SLC2A7: variants seen among roughly 807,000 people sequenced by gnomAD.
SLC2A7 encodes the protein solute carrier family 2 member 7, also known as solute carrier family 2, facilitated glucose transporter member 7.
A neutral mutation model predicts 50.5 loss-of-function variants in SLC2A7; 50 were observed. That is an observed-to-expected ratio of 0.99 (90% confidence interval 0.79 to 1.25). The LOEUF is 1.25. Among genes scored for constraint, SLC2A7 ranks in the 50% most tolerant of loss-of-function variants. The pLI, the probability that SLC2A7 is intolerant of heterozygous loss-of-function variation, is 0.00. For synonymous variants in SLC2A7, 308 were observed against 300.4 expected, an observed-to-expected ratio of 1.03 and a Z score of -0.26; for missense variants, 683 against 679.1, an observed-to-expected ratio of 1.01 and a Z score of -0.06.
At chr1:9,000,124 T>A (rs1186400203), downstream of SLC2A7, among the ~76,000 whole-genome samples, 1 of 152,048 alleles carries the variant, frequency 6.6e-6, no homozygotes, top group African/African-American at 2.4e-5. Flanking sequence ...GATATTGAGG[T>A]GGGTTTAAAC....
In SLC2A7 at chr1:9,014,831, GGCCTCCATGTCCGTGTGGCCTCTCA is replaced by G; in HGVS notation, c.728_752del (p.Leu243ProfsTer73). On this transcript the variant is annotated frameshift_variant, in exon 7 of 12. Coordinates refer to ENST00000400906, the MANE Select transcript of SLC2A7 (RefSeq NM_207420.3). LOFTEE classifies it high-confidence loss of function. ...CCTCCGCACGCATGTCCTCCAGCTCGGCCTCCATGTCCGTGTGGCCTCTCAGCCTCCTCAGAGCTGCGGAAAGCAG... is the reference window on the plus strand; with the variant it reads ...CCTCCGCACGCATGTCCTCCAGCTCGGCCTCCTCAGAGCTGCGGAAAGCAG... 1 of 1,605,018 alleles carries G rather than the reference GGCCTCCATGTCCGTGTGGCCTCTCA, an allele frequency of 6.2e-7. No individual in the cohort carries two copies. The highest frequency in any genetic ancestry group is 8.5e-7 in the Non-Finnish European group (1 of 1,176,628).
At chr1:8,999,927 C>T (rs1640552470), downstream of SLC2A7, among the ~76,000 whole-genome samples, 1 of 152,158 alleles carries the variant, frequency 6.6e-6, no homozygotes, top group Non-Finnish European at 1.5e-5. Context: ...CTGTCAGATC[C>T]ATTTCTAATA....
intron 4 of SLC2A7, 48 bp downstream of exon 4, chr1:9,019,161 A>C: frequency 1.3e-6 from 2 of 1,594,494 alleles, no homozygotes; most frequent in Non-Finnish European, 1.7e-6. Flanking sequence ...AGCCTTGGCC[A>C]AACAGACCCT....
At chr1:8,996,216 T>A in the SLC2A7 span, among the ~76,000 whole-genome samples, 2 of 152,196 alleles carry the variant, frequency 1.3e-5, no homozygotes, top group Non-Finnish European at 2.9e-5. Flanking sequence ...TGATTTGTTT[T>A]CTGTTACTGA....
In SLC2A7 at chr1:9,013,540, C is replaced by A; in HGVS notation, c.999G>T (p.Val333=). ...VTVGSGVVNI[V]MTITSAVLVE... is the part of the protein sequence containing the mutation. ...GCTCACTCACCGAGGTGATGGTCAT[C>A]ACTATGTTGACGACGCCAGAGCCCA... is the stretch of plus-strand genomic sequence containing the variant. The change falls in exon 8 of 12, where the codon GTG becomes GTT. Residue 333 remains valine (V), a synonymous_variant. Coordinates refer to ENST00000400906, the MANE Select transcript of SLC2A7 (RefSeq NM_207420.3). 1.2e-6 allele frequency: 2 copies of A among 1,613,758 alleles called. No individual in the cohort carries two copies. The highest frequency in any genetic ancestry group is 1.7e-6 in the Non-Finnish European group (2 of 1,179,958).
chr1:9,018,297 G>A lies in SLC2A7; in HGVS notation c.515C>T (p.Thr172Ile). Residue 172 changes from threonine (T) to isoleucine (I), a missense_variant, in exon 5 of 12, where the codon ACC (threonine) becomes ATC (isoleucine). Physicochemically the swap from Thr to Ile is moderately conservative, Grantham distance 89. Transcript: ENST00000400906. ...KNLRGMVGTM[T>I]EVFVIVGVFL... ...GACTCCAACGATGACGAAAACCTCGGTCATTGTTCCCACCATGCCTCTCAG... is the reference window on the plus strand; with the variant it reads ...GACTCCAACGATGACGAAAACCTCGATCATTGTTCCCACCATGCCTCTCAG... The A allele has an allele frequency of 6.2e-7, 1 of 1,614,170 alleles. No homozygotes were observed. Among genetic ancestry groups the A allele is most frequent in the Non-Finnish European group, 8.5e-7 (1 of 1,180,038 alleles).
intron 2 of SLC2A7, 74 bp from the exon 3 acceptor site, chr1:9,023,152 C>T (rs2124267252): frequency 4.6e-6 from 7 of 1,505,496 alleles, no homozygotes; most frequent in Non-Finnish European, 6.4e-6. Flanking sequence ...TTCTCAGTGG[C>T]CACTTGTCAT....
chr1:9,010,180 G>A lies in SLC2A7; in HGVS notation c.1079C>T (p.Ser360Phe). The stretch of plus-strand genomic sequence containing the variant: ...CACCACCGTCAGCACCAGGCAGGCA[G>A]AGCCGCAGATGCCGTAGCCGGCCAG... Reference protein sequence around the residue: ...LLLAGYGICGSACLVLTVVLL... With the variant: ...LLLAGYGICGFACLVLTVVLL... The change falls in exon 9 of 12, where the codon TCT becomes TTT. Residue 360 changes from serine (S) to phenylalanine (F), a missense_variant. By Grantham distance (155) the Ser-to-Phe change is radical. Transcript: ENST00000400906. The A allele has an allele frequency of 4.5e-6, 7 of 1,552,508 alleles. No individual in the cohort carries two copies. The highest frequency in any genetic ancestry group is 6.1e-6 in the Non-Finnish European group (7 of 1,147,534).
chr1:9,007,722 A>C (rs1308764666), intron 9 of SLC2A7, among the ~76,000 whole-genome samples: 1 of 150,298 alleles, frequency 6.7e-6, no homozygotes, highest in Non-Finnish European at 1.5e-5. Context: ...CTGCCCTCTG[A>C]GTGACTCTAC....
At chr1:9,000,902 T>G (rs769559754), downstream of SLC2A7, among the ~76,000 whole-genome samples, 1 of 151,872 alleles carries the variant, frequency 6.6e-6, no homozygotes, top group Non-Finnish European at 1.5e-5. Context: ...GGAAGAAGCC[T>G]CTAGACAGCT....
intron 2 of SLC2A7, among the ~76,000 whole-genome samples, chr1:9,023,669 G>A (rs1403453379): frequency 6.6e-6 from 1 of 151,718 alleles, no homozygotes; most frequent in Non-Finnish European, 1.5e-5. Context: ...CACTTTGGGA[G>A]GCCGAGGCGG....
In SLC2A7 at chr1:9,015,315, G is replaced by A. The variant is rs1640815064; in HGVS notation, c.590-73C>T. 5 of 1,469,870 alleles carry A rather than the reference G, an allele frequency of 3.4e-6. No homozygotes were observed. The South Asian group carries it at 5.6e-5, about 16-fold the overall frequency. The allele number at this position is 1,469,870 out of a possible 1,614,324, so 91.1% of individuals were successfully genotyped here. On this transcript the variant is annotated intron_variant, in intron 5 of 11. Coordinates refer to ENST00000400906, the MANE Select transcript of SLC2A7 (RefSeq NM_207420.3). Reference sequence around the variant, plus strand: ...GCCCACCTACCACTGTGCTCGGAAGGTCACGCTCCTATGTGTGAACCAAGG... The same window carrying A: ...GCCCACCTACCACTGTGCTCGGAAGATCACGCTCCTATGTGTGAACCAAGG...
In SLC2A7 at chr1:9,017,514, C is replaced by T. The variant is rs563947275; in HGVS notation, c.589+709G>A. 1.8e-4 allele frequency among the ~76,000 whole-genome samples: 28 copies of T among 152,352 alleles called. No homozygotes were observed. The South Asian group carries it at 5.6e-3, about 30-fold the overall frequency. ...GCCTCGCGGGGTCTCCCCACTCAGTCCATTTACGTCGGATCAGACCCTTTT... is the reference window on the plus strand; with the variant it reads ...GCCTCGCGGGGTCTCCCCACTCAGTTCATTTACGTCGGATCAGACCCTTTT... On this transcript the variant is annotated intron_variant, in intron 5 of 11. Coordinates refer to ENST00000400906, the MANE Select transcript of SLC2A7 (RefSeq NM_207420.3).
At chr1:9,006,446 C>T (rs1415189456) in intron 10 of SLC2A7, among the ~76,000 whole-genome samples, 1 of 152,084 alleles carries the variant, frequency 6.6e-6, no homozygotes, top group African/African-American at 2.4e-5. Context: ...CGGAGTTTCA[C>T]CTTGTTGGCT....
At chr1:8,993,835 G>A in the SLC2A7 span, among the ~76,000 whole-genome samples, 1,264 of 152,068 alleles carry the variant, frequency 8.3e-3, 17 homozygotes, top group African/African-American at 0.03. Context: ...CACCATGTTG[G>A]CCAGGATGGT....
At position 9,013,625 on chromosome 1, in the gene SLC2A7, T is replaced by C; in HGVS notation, c.914A>G (p.Tyr305Cys). 6.2e-7 allele frequency: 1 copy of C among 1,613,406 alleles called. No individual in the cohort carries two copies. The highest frequency in any genetic ancestry group is 1.1e-5 in the South Asian group (1 of 90,986). The change falls in exon 8 of 12, where the codon TAT becomes TGT. Residue 305 changes from tyrosine to cysteine, a missense_variant. Transcript: ENST00000400906. The part of the protein sequence containing the change: ...QLSGINAINY[Y>C]ADTIYTSAGV... ...CGCAGATGTGTAGATGGTGTCCGCATAGTAGTTGATCTAAACAAAAACACA... is the reference window on the plus strand; with the variant it reads ...CGCAGATGTGTAGATGGTGTCCGCACAGTAGTTGATCTAAACAAAAACACA...
intron 5 of SLC2A7, among the ~76,000 whole-genome samples, chr1:9,016,912 A>G (rs954543941): frequency 2.0e-5 from 3 of 152,080 alleles, no homozygotes; most frequent in African/African-American, 7.2e-5. Flanking sequence ...GCGCCCTCAG[A>G]AGCAAGTTTT....
intron 2 of SLC2A7, among the ~76,000 whole-genome samples, chr1:9,024,048 G>T (rs1254404186): frequency 6.6e-6 from 1 of 151,720 alleles, no homozygotes; most frequent in Non-Finnish European, 1.5e-5. Context: ...TAGAGATGAG[G>T]TTTCACCATG....
chr1:8,999,796 G>T (rs1237545639), downstream of SLC2A7, among the ~76,000 whole-genome samples: 1 of 152,200 alleles, frequency 6.6e-6, no homozygotes, highest in African/African-American at 2.4e-5. Flanking sequence ...TCAGCCACAG[G>T]ACCTGCTGGA....
Sources: gnomAD v4.1 joint callset for allele counts (sites outside exome capture counted in the v4.1 genomes callset) on GRCh38, gnomAD v4.1.1 for gene constraint, MANE v1.5 for transcripts, NCBI Gene and HGNC (gene_info 2026-07-23, HGNC 2026-07-21) for gene names.